MEGF8: variants seen among roughly 807,000 people sequenced by gnomAD.
The protein encoded by MEGF8 is multiple epidermal growth factor-like domains protein 8.
A neutral mutation model predicts 302.9 loss-of-function variants in MEGF8; 156 were observed. The ratio of observed to expected loss-of-function variants is 0.52; its 90% CI spans 0.45 to 0.59. The LOEUF (loss-of-function observed/expected upper bound fraction) is 0.59, where lower values mean the gene tolerates loss of function less well. Among genes scored for constraint, MEGF8 ranks in the 20% least tolerant of loss-of-function variants. MEGF8 has a pLI of 0.00. For missense variants in MEGF8, 3,345 were observed against 3,964.5 expected (o/e 0.84, Z 4.20); for synonymous variants, 1,621 against 1,660.5 (o/e 0.98, Z 0.58).
At chr19:42,334,436 A>C (rs1049159209) in intron 3 of MEGF8, among the ~76,000 whole-genome samples, 2 of 141,544 alleles carry the variant, frequency 1.4e-5, no homozygotes, top group African/African-American at 2.7e-5. Flanking sequence ...AGGATATCCC[A>C]CTCTCATCTA....
rs2039386692 is a variant in MEGF8, at chr19:42,352,291, C to G, written c.3185C>G (p.Ala1062Gly). 1 of 1,570,064 alleles carries G rather than the reference C, an allele frequency of 6.4e-7. No individual in the cohort carries two copies. The highest frequency in any genetic ancestry group is 8.6e-7 in the Non-Finnish European group (1 of 1,157,856). ...GGGGAGGGCCTGGGGCTTCCCGTGG[C>G]CCTCCCTGCCCGCTGGGCATACGCC... ...WVGEGLGLPV[A>G]LPARWAYARC... Residue 1062 changes from alanine to glycine, a missense_variant, in exon 19 of 42, where the codon GCC (alanine) becomes GGC (glycine). Ala to Gly is a moderately conservative substitution (Grantham distance 60). Transcript: ENST00000251268. The surrounding 1 kb of genome is among the most constrained non-coding windows in gnomAD (Gnocchi z 4.4).
At position 42,336,965 on chromosome 19, in the gene MEGF8, C is replaced by A; in HGVS notation, c.1390+13C>A. On this transcript the variant is annotated intron_variant, in intron 7 of 41. Transcript: ENST00000251268. The surrounding 1 kb of genome is among the most constrained non-coding windows in gnomAD (Gnocchi z 4.8). ...ATGGTGGTCTATGGTGAGGAGGCTC[C>A]CCAATCCTGCCTGCCTGCCTGCTGA... 1 of 1,613,758 alleles carries A rather than the reference C, an allele frequency of 6.2e-7. No homozygotes were observed. Among genetic ancestry groups the A allele is most frequent in the South Asian group, 1.1e-5 (1 of 91,060 alleles).
At chr19:42,335,406 C>T (rs748982806) in intron 5 of MEGF8, 21 bp downstream of exon 5, 2 of 1,606,914 alleles carry the variant, frequency 1.2e-6, no homozygotes, top group Admixed American at 3.3e-5. Context: ...CTCCTCTGCC[C>T]TGGAGGAGCC....
chr19:42,328,160 T>C (rs776557064), intron 1 of MEGF8, among the ~76,000 whole-genome samples: 16 of 151,870 alleles, frequency 1.1e-4, no homozygotes, highest in Admixed American at 2.6e-4. Flanking sequence ...AGCCAGCAGG[T>C]GTAGGGCTCT....
rs779889557 is a variant in MEGF8, at chr19:42,359,255, T to G, written c.5488+13T>G. 2.3e-5 allele frequency: 36 copies of G among 1,539,388 alleles called. No individual in the cohort carries two copies. The highest frequency in any genetic ancestry group is 3.1e-5 in the Non-Finnish European group (35 of 1,141,606). ...CCCGACCTCACCCGTAAGTCCCCATTGTGGCTCCCAGGAGGCTGAGGGACA... is the reference window on the plus strand; with the variant it reads ...CCCGACCTCACCCGTAAGTCCCCATGGTGGCTCCCAGGAGGCTGAGGGACA... On this transcript the variant is annotated intron_variant, in intron 31 of 41. Transcript: ENST00000251268.
chr19:42,362,686 G>T (rs985322560), intron 34 of MEGF8, 89 bp downstream of exon 34: 9 of 1,474,298 alleles, frequency 6.1e-6, no homozygotes, highest in Non-Finnish European at 8.4e-6. Context: ...CTGGTCTCCT[G>T]GGTCTGAGGG....
chr19:42,337,063 G>A (rs373016021), intron 7 of MEGF8, 21 bp from the exon 8 acceptor site: 95 of 1,613,428 alleles, frequency 5.9e-5, no homozygotes, highest in Non-Finnish European at 7.6e-5. Context: ...TGCCAGCTAT[G>A]CCCCTTTCCT....
chr19:42,367,161 A>G lies in MEGF8; in HGVS notation c.6274-1294A>G, dbSNP rs2039617448. ...TTGTGCACGTTTTTGGGGTCCTGACATACAAATATGGCTTGTGAGTTGCTA... is the reference window on the plus strand; with the variant it reads ...TTGTGCACGTTTTTGGGGTCCTGACGTACAAATATGGCTTGTGAGTTGCTA... On this transcript the variant is annotated intron_variant, in intron 35 of 41. Transcript: ENST00000251268. 2.6e-5 allele frequency among the ~76,000 whole-genome samples: 4 copies of G among 152,210 alleles called. No individual in the cohort carries two copies. In the South Asian group the frequency reaches 6.2e-4, roughly 24 times the overall value.
chr19:42,359,104 C>A lies in MEGF8; in HGVS notation c.5350C>A (p.Pro1784Thr). ...EISPHLKEPR[P>T]RLFHASALLG... The stretch of plus-strand genomic sequence containing the variant: ...CCCCCCGTCTCCCCAACAGCCCCGC[C>A]CCCGGCTTTTCCACGCCTCAGCCCT... The change falls in exon 31 of 42, where the codon CCC becomes ACC. Residue 1784 changes from proline (P) to threonine (T), a missense_variant. By Grantham distance (38) the Pro-to-Thr change is conservative. Coordinates refer to ENST00000251268, the MANE Select transcript of MEGF8 (RefSeq NM_001271938.2). 1 of 1,533,528 alleles carries A rather than the reference C, an allele frequency of 6.5e-7. No individual in the cohort carries two copies. Among genetic ancestry groups the A allele is most frequent in the Non-Finnish European group, 8.8e-7 (1 of 1,139,636 alleles). The allele number at this position is 1,533,528 out of a possible 1,614,324, so 95.0% of individuals were successfully genotyped here. A position where few individuals can be genotyped will look rare whatever the true frequency, so the allele number is the denominator to read the frequency against.
At chr19:42,370,872 G>C in intron 40 of MEGF8, 41 bp downstream of exon 40, 7 of 131,664 alleles carry the variant, frequency 5.3e-5, no homozygotes, top group South Asian at 1.1e-4. Flanking sequence ...GGGGGGGGGG[G>C]AGGCCGGGGA....
At position 42,350,363 on chromosome 19, in the gene MEGF8, G is replaced by A. The variant is rs767087960; in HGVS notation, c.2715G>A (p.Arg905=). The part of the protein sequence containing the change: ...PTLCPLCEEH[R]DCHACTQDPF... ...TCTGCCCACTCTGCGAGGAGCATCG[G>A]GACTGCCACGCCTGCACCCAGGTGC... The change falls in exon 15 of 42, where the codon CGG becomes CGA. Residue 905 remains arginine, a synonymous_variant. Transcript: ENST00000251268. 20 of 1,577,888 alleles carry A rather than the reference G, an allele frequency of 1.3e-5. No individual in the cohort carries two copies. Among genetic ancestry groups the A allele is most frequent in the Non-Finnish European group, 7.7e-6 (9 of 1,164,014 alleles).
chr19:42,336,167 G>T lies in MEGF8; in HGVS notation c.1065G>T (p.Pro355=). 1 of 1,610,870 alleles carries T rather than the reference G, an allele frequency of 6.2e-7. No homozygotes were observed. The highest frequency in any genetic ancestry group is 2.2e-5 in the East Asian group (1 of 44,888). The change falls in exon 6 of 42, where the codon CCG becomes CCT. Residue 355 remains proline (P), a synonymous_variant. Coordinates refer to ENST00000251268, the MANE Select transcript of MEGF8 (RefSeq NM_001271938.2). The surrounding 1 kb of genome is among the most constrained non-coding windows in gnomAD (Gnocchi z 4.8). ...TATATGTGTCTGGAGGCCGCACCCC[G>T]CACGACCTCTTCTCCTCTGGCCTCT... ...VWLYVSGGRT[P]HDLFSSGLFR... is the part of the protein sequence containing the mutation.
chr19:42,369,103 G>A lies in MEGF8; in HGVS notation c.6641+101G>A. On this transcript the variant is annotated intron_variant, in intron 37 of 41. Coordinates refer to ENST00000251268, the MANE Select transcript of MEGF8 (RefSeq NM_001271938.2). The surrounding 1 kb of genome is among the most constrained non-coding windows in gnomAD (Gnocchi z 5.7). ...TAGAGCCAAGCAGGACAGAAGAAAAGAAAGCTCGAGGCATGAAGGCAGTGG... is the reference window on the plus strand; with the variant it reads ...TAGAGCCAAGCAGGACAGAAGAAAAAAAAGCTCGAGGCATGAAGGCAGTGG... 2.8e-6 allele frequency: 4 copies of A among 1,437,010 alleles called. No homozygotes were observed. The highest frequency in any genetic ancestry group is 2.3e-5 in the Admixed American group (1 of 44,328). The allele number at this position is 1,437,010 out of a possible 1,614,324, so 89.0% of individuals were successfully genotyped here.
At chr19:42,340,559 G>T (rs1043469862) in intron 8 of MEGF8, among the ~76,000 whole-genome samples, 3 of 151,972 alleles carry the variant, frequency 2.0e-5, no homozygotes, top group African/African-American at 7.3e-5. Context: ...TAGAGATGGG[G>T]TTTCACTGTG....
rs539715865 is a variant in MEGF8 at position 42,359,121 on chromosome 19, C to T, written c.5367C>T (p.Ala1789=). ...AGCCCCGCCCCCGGCTTTTCCACGC[C>T]TCAGCCCTGTTAGGGGACACCATGG... ...LKEPRPRLFH[A]SALLGDTMVV... Residue 1789 remains alanine, a synonymous_variant, in exon 31 of 42, where the codon GCC becomes GCT. Transcript: ENST00000251268. 1.1e-5 allele frequency: 18 copies of T among 1,568,840 alleles called. No individual in the cohort carries two copies. In the African/African-American group the frequency reaches 1.8e-4, roughly 15 times the overall value.
chr19:42,348,398 G>C lies in MEGF8; in HGVS notation c.2224G>C (p.Val742Leu). The C allele has an allele frequency of 6.5e-7, 1 of 1,536,990 alleles. No homozygotes were observed. The highest frequency in any genetic ancestry group is 8.7e-7 in the Non-Finnish European group (1 of 1,146,678). ...GCCAGGTGGACCAGGGGCTGAGGACGTGGCCGTGTGGACGCGGGCCCAGCG... is the reference window on the plus strand; with the variant it reads ...GCCAGGTGGACCAGGGGCTGAGGACCTGGCCGTGTGGACGCGGGCCCAGCG... ...GGPGGPGAEDVAVWTRAQRLH... is the reference protein window; with the variant it reads ...GGPGGPGAEDLAVWTRAQRLH... Residue 742 changes from valine (V) to leucine (L), a missense_variant, in exon 13 of 42, where the codon GTG becomes CTG. Coordinates refer to ENST00000251268, the MANE Select transcript of MEGF8 (RefSeq NM_001271938.2).
In MEGF8 at chr19:42,354,608, T is replaced by C; in HGVS notation, c.4032T>C (p.Phe1344=). The C allele has an allele frequency of 6.2e-7, 1 of 1,612,850 alleles. No homozygotes were observed. The highest frequency in any genetic ancestry group is 1.3e-5 in the African/African-American group (1 of 74,996). Residue 1344 remains phenylalanine, a synonymous_variant, in exon 23 of 42, where the codon TTT becomes TTC. Transcript: ENST00000251268. This position sits in a 1 kb window ranked among gnomAD's most constrained non-coding sequence, Gnocchi z 4.3. ...TCTAGCTGAGCTACGTCCTGGCGTT[T>C]GATGGATTCCCACGCTTCCTGGACA... ...TPCTLSYVLA[F]DGFPRFLDTG... is the part of the protein sequence containing the mutation.
intron 8 of MEGF8, among the ~76,000 whole-genome samples, chr19:42,337,715 C>T (rs1000709827): frequency 3.9e-5 from 6 of 152,002 alleles, no homozygotes; most frequent in African/African-American, 1.2e-4. Context: ...ACCGTGTTAG[C>T]CAGGGTGGTC....
intron 8 of MEGF8, among the ~76,000 whole-genome samples, chr19:42,338,421 T>G (rs762024808): frequency 2.6e-5 from 4 of 152,170 alleles, no homozygotes; most frequent in Non-Finnish European, 5.9e-5. Flanking sequence ...TTTGTATTTT[T>G]AGTAGAGACG....
Sources: gnomAD v4.1 joint callset for allele counts (sites outside exome capture counted in the v4.1 genomes callset) on GRCh38, gnomAD v4.1.1 for gene constraint, Gnocchi (gnomAD v3.1) non-coding constraint, MANE v1.5 for transcripts, NCBI Gene and HGNC (gene_info 2026-07-23, HGNC 2026-07-21) for gene names.